PARD3B: variants seen among roughly 807,000 people sequenced by gnomAD.
PARD3B encodes the protein par-3 family cell polarity regulator beta.
A neutral mutation model predicts 130.2 loss-of-function variants in PARD3B; 103 were observed. That is an observed-to-expected ratio of 0.79 (90% CI 0.67 to 0.93). The LOEUF is 0.93. Among genes scored for constraint, PARD3B ranks in the 40% least tolerant of loss-of-function variants. PARD3B has a pLI of 0.00. For missense variants in PARD3B, 1,609 were observed against 1,499.2 expected (o/e 1.07, Z -1.21); for synonymous variants, 583 against 553.2 (o/e 1.05, Z -0.76).
At chr2:205,374,585 G>T (rs1001109345) in intron 18 of PARD3B, among the ~76,000 whole-genome samples, 1 of 151,860 alleles carries the variant, frequency 6.6e-6, no homozygotes, top group Non-Finnish European at 1.5e-5. Flanking sequence ...TATATATTTT[G>T]CCTGGCTTTA....
chr2:205,427,661 T>C (rs1410822436), intron 19 of PARD3B, among the ~76,000 whole-genome samples: 1 of 152,196 alleles, frequency 6.6e-6, no homozygotes, highest in Non-Finnish European at 1.5e-5. Flanking sequence ...AAATGAAAGC[T>C]ATATATTATA....
Position 205,158,960 on chromosome 2 carries a change from CTGTTGTACTT to C in PARD3B, c.1620+54_1620+63del. 5 of 1,580,830 alleles carry C rather than the reference CTGTTGTACTT, an allele frequency of 3.2e-6. No homozygotes were observed. The highest frequency in any genetic ancestry group is 2.6e-6 in the Non-Finnish European group (3 of 1,153,594). On this transcript the variant is annotated intron_variant, in intron 11 of 22. Transcript: ENST00000406610. This position sits in a 1 kb window ranked among gnomAD's most constrained non-coding sequence, Gnocchi z 5.4. Reference sequence around the variant, plus strand: ...TTTGAGAAGGCACTTGGAGATGTGACTGTTGTACTTAGAGACTGAATGGAGAAAGTGTCTG... The same window carrying C: ...TTTGAGAAGGCACTTGGAGATGTGACAGAGACTGAATGGAGAAAGTGTCTG...
chr2:204,916,582 C>G lies in PARD3B; in HGVS notation c.223-48570C>G, dbSNP rs2047454193. 2.0e-5 allele frequency among the ~76,000 whole-genome samples: 3 copies of G among 151,872 alleles called. No individual in the cohort carries two copies. In the East Asian group the frequency reaches 5.8e-4, roughly 29 times the overall value. On this transcript the variant is annotated intron_variant, in intron 2 of 22. Coordinates refer to ENST00000406610, the MANE Select transcript of PARD3B (RefSeq NM_001302769.2). ...AATTACATTTTAAGTGATAAATAAT[C>G]CAGAAGAGTGTATTTTATAAGGAAA...
At chr2:205,185,953 C>CT (rs1453643552) in intron 14 of PARD3B, 90 bp downstream of exon 14, 3 of 1,051,232 alleles carry the variant, frequency 2.9e-6, no homozygotes, top group Admixed American at 3.6e-5. Context: ...TATTTTAACT[C>CT]TATTTCTTTC....
At chr2:205,264,605 C>T (rs2040435115) in intron 16 of PARD3B, among the ~76,000 whole-genome samples, 1 of 151,100 alleles carries the variant, frequency 6.6e-6, no homozygotes, top group South Asian at 2.1e-4. Flanking sequence ...GAAATTTGCA[C>T]TGATTTTGTG....
At chr2:205,539,617 G>GT (rs1176485214) in intron 21 of PARD3B, among the ~76,000 whole-genome samples, 1 of 152,140 alleles carries the variant, frequency 6.6e-6, no homozygotes, top group African/African-American at 2.4e-5. Flanking sequence ...ATGACCAGCT[G>GT]TTTTTTATTT....
At chr2:204,886,807 A>G (rs1278233581) in intron 2 of PARD3B, among the ~76,000 whole-genome samples, 3 of 152,200 alleles carry the variant, frequency 2.0e-5, no homozygotes, top group Admixed American at 6.5e-5. Context: ...CTTAGAACCA[A>G]TCTGGAGATG....
At position 204,924,970 on chromosome 2, in the gene PARD3B, C is replaced by T. The variant is rs1023363514; in HGVS notation, c.223-40182C>T. On this transcript the variant is annotated intron_variant, in intron 2 of 22. Transcript: ENST00000406610. ...CATATGTACCTGAGCTATACACACA[C>T]GCAATCTGATATATATGCATATACA... is the stretch of plus-strand genomic sequence containing the variant. 4.0e-5 allele frequency among the ~76,000 whole-genome samples: 6 copies of T among 150,384 alleles called. No homozygotes were observed. The South Asian group carries it at 6.4e-4, about 16-fold the overall frequency.
At chr2:205,112,407 C>G (rs1447781835) in intron 5 of PARD3B, among the ~76,000 whole-genome samples, 1 of 152,056 alleles carries the variant, frequency 6.6e-6, no homozygotes, top group Non-Finnish European at 1.5e-5. Flanking sequence ...ATTCATCATG[C>G]ATTTTGCTTA....
At chr2:205,402,287 A>G (rs935249111) in intron 19 of PARD3B, among the ~76,000 whole-genome samples, 1 of 152,200 alleles carries the variant, frequency 6.6e-6, no homozygotes, top group Non-Finnish European at 1.5e-5. Flanking sequence ...TGAAGACATG[A>G]AAGATATTCT....
intron 1 of PARD3B, among the ~76,000 whole-genome samples, chr2:204,556,418 CA>C (rs1225919110): frequency 6.6e-6 from 1 of 152,152 alleles, no homozygotes; most frequent in African/African-American, 2.4e-5. Flanking sequence ...GATGATAAGG[CA>C]CACACGTGAA....
chr2:204,628,278 G>GTTTTT (rs35913282), intron 1 of PARD3B, among the ~76,000 whole-genome samples: 4 of 147,292 alleles, frequency 2.7e-5, no homozygotes, highest in African/African-American at 1.0e-4. Flanking sequence ...CTAAATTCCC[G>GTTTTT]TTTTTTTTTT....
At chr2:205,022,871 C>G (rs895529668) in intron 3 of PARD3B, among the ~76,000 whole-genome samples, 2 of 152,186 alleles carry the variant, frequency 1.3e-5, no homozygotes, top group Non-Finnish European at 2.9e-5. Flanking sequence ...CATCCTTCTA[C>G]ATCTTTCTCT....
intron 20 of PARD3B, among the ~76,000 whole-genome samples, chr2:205,471,505 G>A (rs935458692): frequency 6.6e-6 from 1 of 151,916 alleles, no homozygotes; most frequent in Non-Finnish European, 1.5e-5. Flanking sequence ...GGGATTACAG[G>A]CATGCGCCAC....
chr2:204,694,185 T>C (rs189563392), intron 2 of PARD3B, among the ~76,000 whole-genome samples: 2 of 152,232 alleles, frequency 1.3e-5, no homozygotes, highest in East Asian at 1.9e-4. Context: ...TCAGTTCTTA[T>C]GAATTTTTCA....
chr2:204,641,703 C>T (rs975779386), intron 1 of PARD3B, among the ~76,000 whole-genome samples: 1 of 152,082 alleles, frequency 6.6e-6, no homozygotes, highest in Non-Finnish European at 1.5e-5. Flanking sequence ...GTTGTCACTA[C>T]GTTGTAATTA....
Position 205,125,894 on chromosome 2 carries a change from A to C in PARD3B, c.1434+157A>C, listed in dbSNP as rs1240777967. ...TATTTTACCCCATTTGGGGTATCGC[A>C]TTTTTAAAACATTGATACAGCCAGT... On this transcript the variant is annotated intron_variant, in intron 10 of 22. Coordinates refer to ENST00000406610, the MANE Select transcript of PARD3B (RefSeq NM_001302769.2). This position sits in a 1 kb window ranked among gnomAD's most constrained non-coding sequence, Gnocchi z 4.0. 6.6e-6 allele frequency among the ~76,000 whole-genome samples: 1 copy of C among 152,228 alleles called. No homozygotes were observed. The highest frequency in any genetic ancestry group is 2.4e-5 in the African/African-American group (1 of 41,470).
At chr2:204,625,790 T>C (rs990388719) in intron 1 of PARD3B, among the ~76,000 whole-genome samples, 1 of 152,188 alleles carries the variant, frequency 6.6e-6, no homozygotes, top group Non-Finnish European at 1.5e-5. Context: ...TTCATAATAT[T>C]CCACATATAA....
intron 1 of PARD3B, among the ~76,000 whole-genome samples, chr2:204,637,884 G>A (rs1317020058): frequency 6.6e-6 from 1 of 152,086 alleles, no homozygotes; most frequent in African/African-American, 2.4e-5. Flanking sequence ...TGGGGCATAG[G>A]AGAGAGATGC....
Sources: gnomAD v4.1 joint callset for allele counts (sites outside exome capture counted in the v4.1 genomes callset) on GRCh38, gnomAD v4.1.1 for gene constraint, Gnocchi (gnomAD v3.1) non-coding constraint, MANE v1.5 for transcripts, NCBI Gene and HGNC (gene_info 2026-07-23, HGNC 2026-07-21) for gene names.